AMPH: variants seen among roughly 807,000 people sequenced by gnomAD.
The protein encoded by AMPH is amphiphysin, also known as amphiphysin (Stiff-Mann syndrome with breast cancer 128kD autoantigen).
Under a neutral mutation model 99.1 loss-of-function variants are expected in AMPH, and 49 were observed. The ratio of observed to expected loss-of-function variants is 0.49; its 90% CI spans 0.39 to 0.63. AMPH has a LOEUF of 0.63. Among genes scored for constraint, AMPH ranks in the 20% least tolerant of loss-of-function variants. AMPH has a pLI of 0.00. For synonymous variants in AMPH, 314 were observed against 317.3 expected, an observed-to-expected ratio of 0.99 and a Z score of 0.11; for missense variants, 759 against 863.4, an observed-to-expected ratio of 0.88 and a Z score of 1.52.
At chr7:38,495,737 C>T (rs994128217) in intron 3 of AMPH, among the ~76,000 whole-genome samples, 1 of 151,884 alleles carries the variant, frequency 6.6e-6, no homozygotes, top group African/African-American at 2.4e-5. Flanking sequence ...GGTTCCTAAG[C>T]CTTTGGGTCT....
At chr7:38,561,010 C>G (rs933287762) in intron 1 of AMPH, among the ~76,000 whole-genome samples, 12 of 152,218 alleles carry the variant, frequency 7.9e-5, no homozygotes, top group African/African-American at 2.9e-4. Flanking sequence ...AGCAAGTTAA[C>G]TCTTTCACTA....
chr7:38,392,036 TG>T lies in AMPH; in HGVS notation c.1609-20del. The T allele has an allele frequency of 6.2e-7, 1 of 1,600,720 alleles. No homozygotes were observed. Among genetic ancestry groups the T allele is most frequent in the Non-Finnish European group, 8.5e-7 (1 of 1,179,538 alleles). On this transcript the variant is annotated intron_variant, in intron 18 of 20. Coordinates refer to ENST00000356264, the MANE Select transcript of AMPH (RefSeq NM_001635.4). Reference sequence around the variant, plus strand: ...CCTTCTCCTGGGGGAAGAAAAACCGTGGCGATGCCCGGCAGGGCCTGGAAAA... The same window carrying T: ...CCTTCTCCTGGGGGAAGAAAAACCGTGCGATGCCCGGCAGGGCCTGGAAAA...
chr7:38,576,039 T>A (rs1307781289), intron 1 of AMPH, among the ~76,000 whole-genome samples: 1 of 152,230 alleles, frequency 6.6e-6, no homozygotes, highest in Non-Finnish European at 1.5e-5. Context: ...GCAAACATTT[T>A]ATAAGCCTCT....
At chr7:38,619,618 T>C (rs1468305889) in intron 1 of AMPH, among the ~76,000 whole-genome samples, 1 of 152,236 alleles carries the variant, frequency 6.6e-6, no homozygotes, top group African/African-American at 2.4e-5. Flanking sequence ...GGATAGGCCA[T>C]ATGCTAGACT....
intron 1 of AMPH, among the ~76,000 whole-genome samples, chr7:38,619,393 T>A (rs1006639634): frequency 4.6e-5 from 7 of 152,012 alleles, no homozygotes; most frequent in Non-Finnish European, 8.8e-5. Context: ...AGCACTAAAA[T>A]ACATGAAGGA....
intron 5 of AMPH, 101 bp from the exon 6 acceptor site, chr7:38,477,070 G>A (rs1788114401): frequency 1.1e-6 from 1 of 941,840 alleles, no homozygotes; most frequent in East Asian, 2.5e-5. Context: ...GAGCTGCTGA[G>A]GATCTTGACT....
At chr7:38,407,016 A>T (rs1785031210) in intron 17 of AMPH, among the ~76,000 whole-genome samples, 1 of 33,438 alleles carries the variant, frequency 3.0e-5, no homozygotes, top group East Asian at 1.4e-3. Context: ...TTTCCCTAAT[A>T]GACTCCTCTC....
Position 38,450,127 on chromosome 7 carries a change from T to C in AMPH, c.1017+11156A>G, listed in dbSNP as rs530161709. ...CTGTGCTCATGTCTGCATGGGAGCA[T>C]GGTAGGCATTCCTATGGCGTGATAA... On this transcript the variant is annotated intron_variant, in intron 11 of 20. Transcript: ENST00000356264. Among the ~76,000 whole-genome samples the C allele has an allele frequency of 5.9e-5, 9 of 152,302 alleles. No homozygotes were observed. In the South Asian group the frequency reaches 1.9e-3, roughly 32 times the overall value.
chr7:38,474,250 A>T (rs1477299557), intron 7 of AMPH, among the ~76,000 whole-genome samples: 2 of 152,066 alleles, frequency 1.3e-5, no homozygotes, highest in African/African-American at 4.8e-5. Context: ...CACCAAAAAA[A>T]TAAAATAAAA....
At chr7:38,409,899 T>C (rs1785164617) in intron 17 of AMPH, among the ~76,000 whole-genome samples, 1 of 152,228 alleles carries the variant, frequency 6.6e-6, no homozygotes, top group Admixed American at 6.5e-5. Context: ...TAATTAGTGA[T>C]TTATCCGCAA....
At chr7:38,581,419 T>G (rs1000712446) in intron 1 of AMPH, among the ~76,000 whole-genome samples, 1 of 152,004 alleles carries the variant, frequency 6.6e-6, no homozygotes, top group African/African-American at 2.4e-5. Flanking sequence ...AGCCCAGAGG[T>G]CCCACAAGGA....
chr7:38,470,089 ACT>A (rs1584133969), intron 7 of AMPH, among the ~76,000 whole-genome samples: 1 of 151,030 alleles, frequency 6.6e-6, no homozygotes, highest in Non-Finnish European at 1.5e-5. Flanking sequence ...ACCCCTCAAC[ACT>A]CTCTGGTCAG....
At chr7:38,567,426 T>A (rs1489000380) in intron 1 of AMPH, among the ~76,000 whole-genome samples, 1 of 151,986 alleles carries the variant, frequency 6.6e-6, no homozygotes, top group Non-Finnish European at 1.5e-5. Context: ...TTAGGAGAAA[T>A]ACCTAATATA....
At chr7:38,493,126 G>T (rs1259557902) in intron 4 of AMPH, among the ~76,000 whole-genome samples, 2 of 152,142 alleles carry the variant, frequency 1.3e-5, no homozygotes, top group Non-Finnish European at 2.9e-5. Context: ...CAATGTCAGG[G>T]TGTCAGAATA....
At chr7:38,556,654 C>A (rs1240975788) in intron 1 of AMPH, among the ~76,000 whole-genome samples, 1 of 152,206 alleles carries the variant, frequency 6.6e-6, no homozygotes, top group South Asian at 2.1e-4. Context: ...GCACTCTCTG[C>A]CCCCTGCTCT....
chr7:38,517,231 C>T (rs1789781825), intron 2 of AMPH, among the ~76,000 whole-genome samples: 1 of 152,110 alleles, frequency 6.6e-6, no homozygotes, highest in Non-Finnish European at 1.5e-5. Context: ...ATTAGTGTCC[C>T]CACTCAAATT....
intron 7 of AMPH, among the ~76,000 whole-genome samples, chr7:38,468,490 A>G (rs962472620): frequency 2.0e-5 from 3 of 152,226 alleles, no homozygotes; most frequent in Admixed American, 2.0e-4. Flanking sequence ...ATCAATTATT[A>G]TCCTGAGAAA....
intron 7 of AMPH, among the ~76,000 whole-genome samples, chr7:38,471,542 G>C (rs1787886548): frequency 6.6e-6 from 1 of 152,088 alleles, no homozygotes; most frequent in African/African-American, 2.4e-5. Context: ...TTCTACACTT[G>C]GCAGTAATGG....
chr7:38,579,170 G>A (rs753579877), intron 1 of AMPH, among the ~76,000 whole-genome samples: 10 of 152,232 alleles, frequency 6.6e-5, no homozygotes, highest in Non-Finnish European at 1.5e-4. Flanking sequence ...AAAACACCCA[G>A]AAGAGATTTC....
Sources: gnomAD v4.1 joint callset for allele counts (sites outside exome capture counted in the v4.1 genomes callset) on GRCh38, gnomAD v4.1.1 for gene constraint, MANE v1.5 for transcripts, NCBI Gene and HGNC (gene_info 2026-07-23, HGNC 2026-07-21) for gene names.